The following PAM variants were observed in gnomAD, a reference collection of about 807,000 sequenced individuals.
The protein encoded by PAM is peptidylglycine alpha-amidating monooxygenase.
Under a neutral mutation model 122.1 loss-of-function variants are expected in PAM, and 72 were observed. That is an observed-to-expected ratio of 0.59 (90% CI 0.49 to 0.72). The LOEUF (loss-of-function observed/expected upper bound fraction) is 0.72, where lower values mean the gene tolerates loss of function less well. Ranked by LOEUF, PAM falls within the 30% of genes least tolerant of loss-of-function variation. The pLI is 0.00. For missense variants in PAM, 1,106 were observed against 1,183.7 expected (o/e 0.93, Z 0.96); for synonymous variants, 389 against 404.4 (o/e 0.96, Z 0.46).
intron 16 of PAM, among the ~76,000 whole-genome samples, chr5:102,998,324 T>C (rs1776322400): frequency 6.6e-6 from 1 of 152,178 alleles, no homozygotes; most frequent in South Asian, 2.1e-4. Context: ...AGTAAATATA[T>C]CAGGTTTCCC....
intron 4 of PAM, among the ~76,000 whole-genome samples, chr5:102,907,868 A>G (rs1479714119): frequency 6.6e-6 from 1 of 151,984 alleles, no homozygotes; most frequent in Non-Finnish European, 1.5e-5. Flanking sequence ...GATTCTGGAT[A>G]TTAGCCCTTT....
intron 24 of PAM, among the ~76,000 whole-genome samples, chr5:103,027,748 C>A (rs1261956306): frequency 6.6e-6 from 1 of 152,124 alleles, no homozygotes; most frequent in African/African-American, 2.4e-5. Context: ...CCTAAATTGT[C>A]ATAACCAAAG....
intron 1 of PAM, among the ~76,000 whole-genome samples, chr5:102,825,287 T>C (rs1159707196): frequency 6.6e-6 from 1 of 152,236 alleles, no homozygotes; most frequent in Non-Finnish European, 1.5e-5. Context: ...GATTCTGTAA[T>C]ACCTTTACTT....
intron 14 of PAM, among the ~76,000 whole-genome samples, chr5:102,965,471 T>TA (rs1484921441): frequency 6.6e-6 from 1 of 151,930 alleles, no homozygotes; most frequent in Admixed American, 6.6e-5. Flanking sequence ...TGTTGAAACT[T>TA]ACGTCTGTTG....
At chr5:102,885,081 C>T (rs1554100645) in intron 3 of PAM, among the ~76,000 whole-genome samples, 1 of 133,542 alleles carries the variant, frequency 7.5e-6, no homozygotes, top group Non-Finnish European at 1.5e-5. Context: ...TGTTTAATAA[C>T]TATATATATA....
intron 1 of PAM, among the ~76,000 whole-genome samples, chr5:102,766,140 C>T (rs770759112): frequency 3.3e-5 from 5 of 152,060 alleles, no homozygotes; most frequent in East Asian, 1.9e-4. Flanking sequence ...GCACCAGGAC[C>T]GGTTTCATGG....
intron 1 of PAM, among the ~76,000 whole-genome samples, chr5:102,826,090 T>C (rs1773520058): frequency 6.6e-6 from 1 of 152,202 alleles, no homozygotes; most frequent in Non-Finnish European, 1.5e-5. Flanking sequence ...GCTCAAATCT[T>C]AGTTACTATT....
chr5:102,777,032 T>G (rs1284727082), intron 1 of PAM, among the ~76,000 whole-genome samples: 1 of 152,134 alleles, frequency 6.6e-6, no homozygotes, highest in African/African-American at 2.4e-5. Context: ...TTCACCTTTT[T>G]ATTCTTAACT....
At chr5:102,861,074 G>A (rs914931949) in intron 1 of PAM, among the ~76,000 whole-genome samples, 1 of 152,164 alleles carries the variant, frequency 6.6e-6, no homozygotes, top group Non-Finnish European at 1.5e-5. Context: ...CGAGAGAGAA[G>A]CCACATATTG....
At position 102,933,191 on chromosome 5, in the gene PAM, C is replaced by A. The variant is rs541322303; in HGVS notation, c.526+6523C>A. ...TATCGGATTGATATCATATAGGCACCCTTCTTCCTGTTCTAAATTTATGTG... is the reference window on the plus strand; with the variant it reads ...TATCGGATTGATATCATATAGGCACACTTCTTCCTGTTCTAAATTTATGTG... On this transcript the variant is annotated intron_variant, in intron 7 of 25. Coordinates refer to ENST00000438793, the MANE Select transcript of PAM (RefSeq NM_001177306.2). Among the ~76,000 whole-genome samples, 13 of 152,270 alleles carry A rather than the reference C, an allele frequency of 8.5e-5. No individual in the cohort carries two copies. The South Asian group carries it at 2.3e-3, about 27-fold the overall frequency.
intron 5 of PAM, among the ~76,000 whole-genome samples, chr5:102,921,955 T>A (rs1051714808): frequency 6.6e-6 from 1 of 152,202 alleles, no homozygotes; most frequent in Non-Finnish European, 1.5e-5. Flanking sequence ...TGTTCTTATA[T>A]GAGCTGATTT....
intron 1 of PAM, among the ~76,000 whole-genome samples, chr5:102,803,148 AGG>A (rs1561486622): frequency 1.6e-4 from 1 of 6,250 alleles, no homozygotes; most frequent in Non-Finnish European, 5.8e-4. Flanking sequence ...AAAGAAAGAA[AGG>A]AAGGAAGGAA....
At chr5:102,931,051 T>A (rs1751329624) in intron 7 of PAM, among the ~76,000 whole-genome samples, 1 of 152,178 alleles carries the variant, frequency 6.6e-6, no homozygotes, top group Non-Finnish European at 1.5e-5. Context: ...CATAGTGGTA[T>A]CATAAAGGTA....
intron 5 of PAM, among the ~76,000 whole-genome samples, chr5:102,922,364 T>C (rs1328923273): frequency 6.6e-6 from 1 of 151,962 alleles, no homozygotes; most frequent in Non-Finnish European, 1.5e-5. Flanking sequence ...GAATAAAAGT[T>C]TTTCAGGCAG....
chr5:103,017,573 C>G, intron 22 of PAM, 140 bp downstream of exon 22: 1 of 613,242 alleles, frequency 1.6e-6, no homozygotes, highest in Non-Finnish European at 2.9e-6. Context: ...GTTAAAAGAC[C>G]TATTTGGTGT....
intron 22 of PAM, among the ~76,000 whole-genome samples, chr5:103,019,114 C>T (rs1782848956): frequency 1.3e-5 from 2 of 150,426 alleles, no homozygotes; most frequent in African/African-American, 4.9e-5. Context: ...GTTTGAAACT[C>T]AGAAGATGCA....
intron 12 of PAM, among the ~76,000 whole-genome samples, chr5:102,956,074 C>T (rs1293369566): frequency 2.0e-5 from 3 of 151,994 alleles, no homozygotes; most frequent in African/African-American, 2.4e-5. Context: ...TTTTGTTCAG[C>T]TCTTTTAATG....
chr5:102,795,212 A>AAAAG (rs10678516), intron 1 of PAM, among the ~76,000 whole-genome samples: 2 of 133,782 alleles, frequency 1.5e-5, no homozygotes, highest in East Asian at 4.7e-4. Context: ...AAAAAAAAAA[A>AAAAG]GAAGAGAAGA....
rs148825006 is a variant in PAM, at chr5:102,973,471, C to A, written c.1163-645C>A. Among the ~76,000 whole-genome samples, 16 of 152,256 alleles carry A rather than the reference C, an allele frequency of 1.1e-4. 1 individual carries two copies. The East Asian group carries it at 2.9e-3, about 28-fold the overall frequency. On this transcript the variant is annotated intron_variant, in intron 14 of 25. Coordinates refer to ENST00000438793, the MANE Select transcript of PAM (RefSeq NM_001177306.2). ...CCTAATGATATCAGTTTATTAAAAT[C>A]TTTTCCTTTGTTTGAAGCTGATTTA... is the stretch of plus-strand genomic sequence containing the variant.
Sources: allele counts gnomAD v4.1 joint callset (sites outside exome capture counted in the v4.1 genomes callset), GRCh38; gene constraint gnomAD v4.1.1; transcripts MANE v1.5; gene names NCBI Gene and HGNC (gene_info 2026-07-23, HGNC 2026-07-21).